Variants in ELAVL2 observed in about 807,000 individuals in gnomAD.
ELAVL2 encodes ELAV like RNA binding protein 2, also known as ELAV-like protein 2.
Under a neutral mutation model 34.6 loss-of-function variants are expected in ELAVL2, and 4 were observed. That is an observed-to-expected ratio of 0.12 (90% CI 0.06 to 0.26). The LOEUF (loss-of-function observed/expected upper bound fraction) is 0.26, where lower values mean the gene tolerates loss of function less well. Among genes scored for constraint, ELAVL2 ranks in the 10% least tolerant of loss-of-function variants. The pLI is 1.00. For synonymous variants in ELAVL2, 193 were observed against 154.8 expected, an observed-to-expected ratio of 1.25 and a Z score of -1.83; for missense variants, 432 against 442.8, an observed-to-expected ratio of 0.98 and a Z score of 0.22.
At chr9:23,748,005 A>G (rs1386233258) in intron 2 of ELAVL2, among the ~76,000 whole-genome samples, 1 of 152,188 alleles carries the variant, frequency 6.6e-6, no homozygotes, top group Non-Finnish European at 1.5e-5. Flanking sequence ...CTGCCTCTCT[A>G]GCTTCAACAT....
intron 1 of ELAVL2, among the ~76,000 whole-genome samples, chr9:23,768,929 G>A (rs565217409): frequency 6.6e-6 from 1 of 152,130 alleles, no homozygotes; most frequent in African/African-American, 2.4e-5. Context: ...AAACAGAAAC[G>A]ATAACATCTC....
chr9:23,798,107 C>G (rs924007414), intron 1 of ELAVL2, among the ~76,000 whole-genome samples: 6 of 152,212 alleles, frequency 3.9e-5, no homozygotes, highest in Non-Finnish European at 7.3e-5. Flanking sequence ...TAGGGAGCCA[C>G]TGAAACCTTC....
intron 1 of ELAVL2, among the ~76,000 whole-genome samples, chr9:23,784,271 G>A (rs1370472549): frequency 6.6e-6 from 1 of 152,122 alleles, no homozygotes; most frequent in East Asian, 1.9e-4. Flanking sequence ...GAACTTAGTG[G>A]GAGAGACATA....
intron 1 of ELAVL2, among the ~76,000 whole-genome samples, chr9:23,789,341 G>A (rs1028078299): frequency 1.3e-5 from 2 of 152,058 alleles, no homozygotes; most frequent in African/African-American, 2.4e-5. Context: ...TGAAGTGACC[G>A]TCATTTCACA....
chr9:23,810,941 A>C (rs955213588), intron 1 of ELAVL2, among the ~76,000 whole-genome samples: 14 of 152,170 alleles, frequency 9.2e-5, no homozygotes, highest in African/African-American at 3.4e-4. Flanking sequence ...GTAAGTCAAC[A>C]ACTAAAAAGT....
At chr9:23,737,702 T>C (rs2048226685) in intron 2 of ELAVL2, among the ~76,000 whole-genome samples, 1 of 152,220 alleles carries the variant, frequency 6.6e-6, no homozygotes, top group African/African-American at 2.4e-5. Flanking sequence ...GTATCTATTA[T>C]TCCATTTACA....
At chr9:23,804,548 G>T (rs138497515) in intron 1 of ELAVL2, among the ~76,000 whole-genome samples, 1 of 152,022 alleles carries the variant, frequency 6.6e-6, no homozygotes, top group Admixed American at 6.6e-5. Context: ...ACATTCCAAG[G>T]TTTTGCTATT....
rs1158385015 is a variant in ELAVL2, at chr9:23,690,449, TTTC to T, written c.*2105_*2107del. 6.6e-6 allele frequency: 1 copy of T among 152,508 alleles called. No individual in the cohort carries two copies. The highest frequency in any genetic ancestry group is 1.5e-5 in the Non-Finnish European group (1 of 67,996). The allele number at this position is 152,508 out of a possible 1,614,324, so 9.4% of individuals were successfully genotyped here. ...TACATGTATTTTATTTTTTAGTGTTTTTCTTTTTTTAAACGCAGAAGGTTAACT... is the reference window on the plus strand; with the variant it reads ...TACATGTATTTTATTTTTTAGTGTTTTTTTTTTAAACGCAGAAGGTTAACT... On this transcript the variant is annotated 3_prime_UTR_variant, in exon 7 of 7. Coordinates refer to ENST00000397312, the MANE Select transcript of ELAVL2 (RefSeq NM_004432.5).
chr9:23,778,702 G>GT (rs1293713935), intron 1 of ELAVL2, among the ~76,000 whole-genome samples: 2 of 152,052 alleles, frequency 1.3e-5, no homozygotes, highest in Non-Finnish European at 2.9e-5. Context: ...GAGGGAGGGG[G>GT]TTTTCCAAGG....
intron 1 of ELAVL2, among the ~76,000 whole-genome samples, chr9:23,769,789 C>T (rs1337009410): frequency 6.6e-6 from 1 of 152,160 alleles, no homozygotes; most frequent in African/African-American, 2.4e-5. Flanking sequence ...CAAACACTAA[C>T]GTTTTTCTGT....
At chr9:23,775,865 C>G (rs563409934) in intron 1 of ELAVL2, among the ~76,000 whole-genome samples, 7 of 152,224 alleles carry the variant, frequency 4.6e-5, no homozygotes, top group African/African-American at 9.6e-5. Flanking sequence ...TCCTCAGCAC[C>G]GGAAGAGAGC....
At chr9:23,817,473 C>T (rs529870677) in intron 1 of ELAVL2, among the ~76,000 whole-genome samples, 6 of 152,246 alleles carry the variant, frequency 3.9e-5, no homozygotes, top group Admixed American at 3.3e-4. Flanking sequence ...TCAGTTCACG[C>T]ATTGAGAGCC....
the ELAVL2 span, among the ~76,000 whole-genome samples, chr9:23,837,774 G>A: frequency 4.6e-5 from 7 of 152,130 alleles, no homozygotes; most frequent in African/African-American, 1.7e-4. Context: ...ATATTACGAT[G>A]AACATAAACA....
chr9:23,712,462 G>A (rs1040258185), intron 3 of ELAVL2, among the ~76,000 whole-genome samples: 8 of 152,074 alleles, frequency 5.3e-5, no homozygotes, highest in African/African-American at 1.9e-4. Context: ...CAAAAAAACT[G>A]TCTTAGGACA....
chr9:23,729,934 A>G (rs2046146571), intron 3 of ELAVL2, among the ~76,000 whole-genome samples: 2 of 152,158 alleles, frequency 1.3e-5, no homozygotes, highest in African/African-American at 4.8e-5. Flanking sequence ...TGGATACTAC[A>G]GTCAGCCTTG....
At chr9:23,733,763 A>G (rs1001843544) in intron 2 of ELAVL2, among the ~76,000 whole-genome samples, 1 of 152,176 alleles carries the variant, frequency 6.6e-6, no homozygotes, top group Non-Finnish European at 1.5e-5. Context: ...GTAGGCATGG[A>G]AACATTTGCT....
At chr9:23,790,475 T>C (rs2060203551) in intron 1 of ELAVL2, among the ~76,000 whole-genome samples, 2 of 152,180 alleles carry the variant, frequency 1.3e-5, no homozygotes, top group African/African-American at 4.8e-5. Context: ...GGGAATTCAC[T>C]TTCAAATATA....
chr9:23,821,925 C>G (rs956506146), intron 1 of ELAVL2: 2 of 151,278 alleles, frequency 1.3e-5, no homozygotes, highest in Non-Finnish European at 3.0e-5. Context: ...GCGCCGCGGC[C>G]GCCGCCGGCG....
At chr9:23,797,851 C>T (rs987228078) in intron 1 of ELAVL2, among the ~76,000 whole-genome samples, 12 of 152,060 alleles carry the variant, frequency 7.9e-5, no homozygotes, top group Non-Finnish European at 1.5e-4. Context: ...TCTCTTGAAC[C>T]TGGGAAGCGG....
Sources: gnomAD v4.1 joint callset for allele counts (sites outside exome capture counted in the v4.1 genomes callset) on GRCh38, gnomAD v4.1.1 for gene constraint, MANE v1.5 for transcripts, NCBI Gene and HGNC (gene_info 2026-07-23, HGNC 2026-07-21) for gene names.